The following ERBB4 variants were observed in gnomAD, a reference collection of about 807,000 sequenced individuals.
ERBB4 encodes the protein erb-b2 receptor tyrosine kinase 4.
Under a neutral mutation model 158.0 loss-of-function variants are expected in ERBB4, and 42 were observed. The observed-to-expected ratio is 0.27, with a 90% CI of 0.21 to 0.34. The LOEUF (loss-of-function observed/expected upper bound fraction) is 0.34. Among genes scored for constraint, ERBB4 ranks in the 10% least tolerant of loss-of-function variants. The pLI is 1.00. For missense variants in ERBB4, 1,333 were observed against 1,624.1 expected, an observed-to-expected ratio of 0.82 and a Z score of 3.08; for synonymous variants, 583 against 558.7, an observed-to-expected ratio of 1.04 and a Z score of -0.61.
At chr2:211,908,770 T>C (rs2079464185) in intron 3 of ERBB4, among the ~76,000 whole-genome samples, 1 of 151,766 alleles carries the variant, frequency 6.6e-6, no homozygotes, top group Non-Finnish European at 1.5e-5. Flanking sequence ...GCAGAGGCAA[T>C]TGTAGTACAA....
At chr2:212,463,301 T>C (rs1321175733) in intron 1 of ERBB4, among the ~76,000 whole-genome samples, 2 of 152,116 alleles carry the variant, frequency 1.3e-5, no homozygotes, top group South Asian at 2.1e-4. Context: ...GTGATGAATA[T>C]GCTAATTATC....
At chr2:212,142,199 AT>A (rs755497631) in intron 1 of ERBB4, among the ~76,000 whole-genome samples, 3 of 152,124 alleles carry the variant, frequency 2.0e-5, no homozygotes, top group African/African-American at 4.8e-5. Flanking sequence ...AAAACATTAT[AT>A]TTTTTATCAC....
intron 19 of ERBB4, among the ~76,000 whole-genome samples, chr2:211,587,413 G>A (rs2068318428): frequency 6.6e-6 from 1 of 152,102 alleles, no homozygotes; most frequent in Admixed American, 6.6e-5. Context: ...AATATGACTA[G>A]TGTCCTTATA....
chr2:212,234,987 C>A (rs981086692), intron 1 of ERBB4, among the ~76,000 whole-genome samples: 1 of 152,140 alleles, frequency 6.6e-6, no homozygotes, highest in African/African-American at 2.4e-5. Context: ...AATTAGATTG[C>A]ATTTATCAAT....
chr2:212,069,887 G>C (rs2125443113), intron 2 of ERBB4, among the ~76,000 whole-genome samples: 1 of 152,074 alleles, frequency 6.6e-6, no homozygotes, highest in African/African-American at 2.4e-5. Context: ...GGAGGCTGAG[G>C]TGAGAGGATC....
chr2:211,635,989 G>A (rs940419719), intron 16 of ERBB4, among the ~76,000 whole-genome samples: 1 of 151,842 alleles, frequency 6.6e-6, no homozygotes, highest in Admixed American at 6.6e-5. Flanking sequence ...ACTTTTAGAA[G>A]CTTTTAGATT....
At chr2:211,877,148 T>C (rs1426153850) in intron 3 of ERBB4, among the ~76,000 whole-genome samples, 1 of 152,194 alleles carries the variant, frequency 6.6e-6, no homozygotes, top group Admixed American at 6.6e-5. Flanking sequence ...TTAGGACGAG[T>C]ACATTTAAGA....
At chr2:211,694,695 T>A (rs1003465215) in intron 12 of ERBB4, among the ~76,000 whole-genome samples, 2 of 152,216 alleles carry the variant, frequency 1.3e-5, no homozygotes, top group African/African-American at 4.8e-5. Context: ...TATTCAAAGT[T>A]ACACACTTTA....
intron 4 of ERBB4, among the ~76,000 whole-genome samples, chr2:211,775,003 C>T (rs1360511571): frequency 6.6e-6 from 1 of 152,106 alleles, no homozygotes; most frequent in African/African-American, 2.4e-5. Context: ...TAATTGGTGG[C>T]TGCTTTTGGG....
intron 20 of ERBB4, among the ~76,000 whole-genome samples, chr2:211,513,357 C>CAAAAAA (rs61042785): frequency 5.4e-4 from 21 of 39,080 alleles, no homozygotes; most frequent in African/African-American, 1.2e-3. Flanking sequence ...GACTCCGTCT[C>CAAAAAA]AAAAAAAAAA....
At chr2:212,394,380 A>G (rs1456568835) in intron 1 of ERBB4, among the ~76,000 whole-genome samples, 2 of 152,120 alleles carry the variant, frequency 1.3e-5, no homozygotes, top group African/African-American at 4.8e-5. Flanking sequence ...CGCTAATATA[A>G]TGTTAATCTA....
At chr2:212,082,278 A>G (rs996592391) in intron 2 of ERBB4, among the ~76,000 whole-genome samples, 5 of 152,108 alleles carry the variant, frequency 3.3e-5, no homozygotes, top group Admixed American at 2.0e-4. Context: ...ATGGTCACAT[A>G]TGTATAAACA....
intron 2 of ERBB4, among the ~76,000 whole-genome samples, chr2:212,007,548 T>C (rs2076287436): frequency 6.6e-6 from 1 of 151,894 alleles, no homozygotes. Flanking sequence ...TTTAAAAATA[T>C]TTACTCGTAG....
At chr2:211,578,854 G>A (rs1278491600) in intron 19 of ERBB4, among the ~76,000 whole-genome samples, 2 of 152,054 alleles carry the variant, frequency 1.3e-5, no homozygotes, top group African/African-American at 4.8e-5. Context: ...AAAAACCCTA[G>A]AAGAAAACCT....
chr2:212,251,624 T>A (rs1478932418), intron 1 of ERBB4, among the ~76,000 whole-genome samples: 1 of 151,914 alleles, frequency 6.6e-6, no homozygotes. Context: ...GACAGAAAAC[T>A]ATACAGGCAA....
At chr2:212,092,590 T>C (rs1034790181) in intron 2 of ERBB4, among the ~76,000 whole-genome samples, 3 of 152,314 alleles carry the variant, frequency 2.0e-5, no homozygotes, top group African/African-American at 7.2e-5. Context: ...ATTGAATATA[T>C]ACAAATTTAA....
intron 1 of ERBB4, among the ~76,000 whole-genome samples, chr2:212,248,663 A>G (rs772820812): frequency 2.0e-5 from 3 of 152,196 alleles, no homozygotes; most frequent in Non-Finnish European, 2.9e-5. Flanking sequence ...TGTGAGAAAA[A>G]TAAGTAAGAT....
intron 16 of ERBB4, among the ~76,000 whole-genome samples, chr2:211,637,505 T>C (rs1436409385): frequency 6.6e-6 from 1 of 152,008 alleles, no homozygotes; most frequent in Non-Finnish European, 1.5e-5. Context: ...TGGGAAATAA[T>C]CTAATAAAAA....
At chr2:212,161,349 C>G (rs975303564) in intron 1 of ERBB4, among the ~76,000 whole-genome samples, 1 of 151,890 alleles carries the variant, frequency 6.6e-6, no homozygotes, top group African/African-American at 2.4e-5. Context: ...TATTACCACA[C>G]CCATCTGCCT....
Sources: allele counts gnomAD v4.1 joint callset (sites outside exome capture counted in the v4.1 genomes callset), GRCh38; gene constraint gnomAD v4.1.1; transcripts MANE v1.5; gene names NCBI Gene and HGNC (gene_info 2026-07-23, HGNC 2026-07-21).